The following MARK3 variants were observed in gnomAD, a reference collection of about 807,000 sequenced individuals.
MARK3 encodes the protein microtubule affinity regulating kinase 3, also known as MAP/microtubule affinity-regulating kinase 3.
In MARK3, 46 loss-of-function variants were observed where a neutral mutation model predicts 90.1. The ratio of observed to expected loss-of-function variants is 0.51; its 90% CI spans 0.40 to 0.65. The LOEUF (loss-of-function observed/expected upper bound fraction) is 0.65. MARK3 is among the 30% of genes least tolerant of loss of function. The pLI is 0.00. For missense variants in MARK3, 818 were observed against 947.2 expected, an observed-to-expected ratio of 0.86 and a Z score of 1.79; for synonymous variants, 321 against 332.6, an observed-to-expected ratio of 0.97 and a Z score of 0.38.
In MARK3 at chr14:103,386,046, C is replaced by G; in HGVS notation, c.17C>G (p.Pro6Arg). The change falls in exon 1 of 18, where the codon CCA becomes CGA. Residue 6 changes from proline (P) to arginine (R), a missense_variant. Physicochemically the swap from Pro to Arg is moderately radical, Grantham distance 103 (BLOSUM62 -2). Coordinates refer to ENST00000429436, the MANE Select transcript of MARK3 (RefSeq NM_001128918.3). ...TGCAGTAAAATGTCCACTAGGACCC[C>G]ATTGCCAACGGTGAATGAACGAGAC... MSTRT[P>R]LPTVNERDTE... The G allele has an allele frequency of 6.2e-7, 1 of 1,614,154 alleles. No individual in the cohort carries two copies. Among genetic ancestry groups the G allele is most frequent in the East Asian group, 2.2e-5 (1 of 44,894 alleles).
At chr14:103,475,243 G>T in intron 13 of MARK3, 33 bp downstream of exon 13, 2 of 1,594,722 alleles carry the variant, frequency 1.3e-6, no homozygotes, top group South Asian at 1.1e-5. Context: ...GTGGTCTTAG[G>T]GTGGTAGGGT....
chr14:103,439,031 T>C (rs1016046212), intron 3 of MARK3, among the ~76,000 whole-genome samples: 1 of 151,864 alleles, frequency 6.6e-6, no homozygotes, highest in Non-Finnish European at 1.5e-5. Context: ...GCTACTCTTA[T>C]TTTACATTTT....
intron 5 of MARK3, among the ~76,000 whole-genome samples, chr14:103,454,556 A>G (rs1421966409): frequency 6.6e-6 from 1 of 152,108 alleles, no homozygotes; most frequent in African/African-American, 2.4e-5. Context: ...GGCCTCTTTA[A>G]CAGTGTTTTG....
rs2141587008 is a variant in MARK3 at position 103,466,349 on chromosome 14, A to G, written c.904A>G (p.Met302Val). The G allele has an allele frequency of 1.2e-6, 2 of 1,610,432 alleles. No individual in the cohort carries two copies. Among genetic ancestry groups the G allele is most frequent in the Middle Eastern group, 1.7e-4 (1 of 6,050 alleles). Residue 302 changes from methionine to valine, a missense_variant, in exon 10 of 18, where the codon ATG (methionine) becomes GTG (valine). Around this residue, in one of 3 missense-constraint regions of MARK3, gnomAD observed 560 missense variants for 613.5 expected, o/e 0.91. Transcript: ENST00000429436. The part of the protein sequence containing the change: ...PIKRGTLEQI[M>V]KDRWINAGHE... Reference sequence around the variant, plus strand: ...AACAGTTTACCTTTTTTAGCAAATCATGAAGGACAGGTGGATCAATGCAGG... The same window carrying G: ...AACAGTTTACCTTTTTTAGCAAATCGTGAAGGACAGGTGGATCAATGCAGG...
chr14:103,467,609 A>G, intron 11 of MARK3: 1 of 139,362 alleles, frequency 7.2e-6, no homozygotes, highest in Non-Finnish European at 1.5e-5. Context: ...TGAGAGGCAG[A>G]GGTTGCGGTG....
intron 3 of MARK3, among the ~76,000 whole-genome samples, chr14:103,433,467 G>C (rs1055861999): frequency 6.6e-6 from 1 of 152,070 alleles, no homozygotes; most frequent in Admixed American, 6.5e-5. Flanking sequence ...GCCGAGGCGG[G>C]TGGATCACCT....
intron 5 of MARK3, among the ~76,000 whole-genome samples, 191 bp from the exon 6 acceptor site, chr14:103,456,951 G>C (rs2141418750): frequency 6.6e-6 from 1 of 152,270 alleles, no homozygotes; most frequent in East Asian, 1.9e-4. Context: ...CTTTTCTTCA[G>C]CTTAAAGATT....
intron 5 of MARK3, among the ~76,000 whole-genome samples, chr14:103,454,333 A>G (rs1310066147): frequency 1.3e-5 from 2 of 151,824 alleles, no homozygotes; most frequent in Non-Finnish European, 2.9e-5. Flanking sequence ...GCTCACTGCA[A>G]CCTCTGCTTC....
intron 12 of MARK3, among the ~76,000 whole-genome samples, chr14:103,473,193 T>G (rs2093660230): frequency 6.6e-6 from 1 of 151,260 alleles, no homozygotes; most frequent in Non-Finnish European, 1.5e-5. Flanking sequence ...AAAGGGAGAG[T>G]AAGAGGGAAG....
At chr14:103,400,765 C>T (rs59858038) in intron 1 of MARK3, among the ~76,000 whole-genome samples, 42,975 of 151,428 alleles carry the variant, frequency 0.28, 7,261 homozygotes, top group Non-Finnish European at 0.36. Context: ...GTGTGGTGTA[C>T]GCACCTGTAG....
chr14:103,480,238 G>A, intron 13 of MARK3, 149 bp from the exon 14 acceptor site: 1 of 520,018 alleles, frequency 1.9e-6, no homozygotes. Context: ...TTGCTCCACT[G>A]CACTCCAGCC....
intron 2 of MARK3, among the ~76,000 whole-genome samples, chr14:103,418,583 T>G (rs1200469393): frequency 6.6e-6 from 1 of 152,112 alleles, no homozygotes; most frequent in Non-Finnish European, 1.5e-5. Flanking sequence ...AGTCACTTAG[T>G]CCTCCCCCGC....
chr14:103,483,107 A>G (rs1460676045), intron 14 of MARK3, among the ~76,000 whole-genome samples: 2 of 152,220 alleles, frequency 1.3e-5, no homozygotes, highest in Non-Finnish European at 2.9e-5. Flanking sequence ...TTGATGCTTG[A>G]GTCTTCAGTG....
At chr14:103,492,127 C>G in intron 15 of MARK3, 93 bp downstream of exon 15, 2 of 1,409,146 alleles carry the variant, frequency 1.4e-6, no homozygotes, top group Non-Finnish European at 1.9e-6. Flanking sequence ...TACCTGGATG[C>G]TTTTCAGTCT....
intron 1 of MARK3, among the ~76,000 whole-genome samples, chr14:103,393,599 ATTTTGGTCATTTAAG>A (rs1470447887): frequency 2.6e-5 from 4 of 152,190 alleles, no homozygotes; most frequent in Admixed American, 2.6e-4. Context: ...AGTAAATAGA[ATTTTGGTCATTTAAG>A]TTATGTAGCT....
chr14:103,398,395 T>G, intron 1 of MARK3, among the ~76,000 whole-genome samples: 1 of 152,268 alleles, frequency 6.6e-6, no homozygotes, highest in Admixed American at 6.5e-5. Flanking sequence ...ATTGTGGTTT[T>G]AACTTGTATT....
intron 15 of MARK3, 26 bp downstream of exon 15, chr14:103,492,060 G>A: frequency 6.2e-7 from 1 of 1,609,540 alleles, no homozygotes; most frequent in Non-Finnish European, 8.5e-7. Flanking sequence ...TGGTTGTTTT[G>A]GAGTGAACAC....
intron 13 of MARK3, among the ~76,000 whole-genome samples, chr14:103,476,292 C>G (rs985495962): frequency 1.1e-4 from 16 of 152,184 alleles, no homozygotes; most frequent in African/African-American, 3.9e-4. Context: ...GCCAGTGCCC[C>G]AAAGATGTGG....
chr14:103,496,569 C>T (rs1369842725), intron 15 of MARK3, among the ~76,000 whole-genome samples: 2 of 152,036 alleles, frequency 1.3e-5, no homozygotes, highest in Non-Finnish European at 2.9e-5. Flanking sequence ...CATGTCACCA[C>T]GCCCAGCTAA....
Sources: allele counts gnomAD v4.1 joint callset (sites outside exome capture counted in the v4.1 genomes callset), GRCh38; gene constraint gnomAD v4.1.1; regional missense constraint gnomAD v4.1.1; transcripts MANE v1.5; gene names NCBI Gene and HGNC (gene_info 2026-07-23, HGNC 2026-07-21).